Variants in OR8B2 observed in about 807,000 individuals in gnomAD.
The protein encoded by OR8B2 is olfactory receptor 8B2.
For missense variants in OR8B2, 304 were observed against 379.6 expected, an observed-to-expected ratio of 0.80 and a Z score of 1.65; for synonymous variants, 98 against 138.2, an observed-to-expected ratio of 0.71 and a Z score of 2.04.
At chr11:124,390,537 T>A in the OR8B2 span, among the ~76,000 whole-genome samples, 34 of 152,302 alleles carry the variant, frequency 2.2e-4, no homozygotes, top group East Asian at 6.4e-3. Flanking sequence ...TTCAAAGCCA[T>A]CCTTGGCTTG....
chr11:124,383,879 G>A (rs1440786347), intron 1 of OR8B2, among the ~76,000 whole-genome samples: 1 of 152,172 alleles, frequency 6.6e-6, no homozygotes, highest in Non-Finnish European at 1.5e-5. Context: ...AAGACCCTTA[G>A]TAGTCGAGGC....
chr11:124,389,506 G>A, the OR8B2 span, among the ~76,000 whole-genome samples: 2 of 152,100 alleles, frequency 1.3e-5, no homozygotes, highest in Admixed American at 6.6e-5. Context: ...TCATGAGTGA[G>A]TGTGTCTCTT....
chr11:124,385,491 C>CGTGTGTGT (rs57427804), upstream of OR8B2, among the ~76,000 whole-genome samples: 13 of 148,098 alleles, frequency 8.8e-5, no homozygotes, highest in African/African-American at 2.0e-4. Context: ...ATTTAACATG[C>CGTGTGTGT]GTGTGTGTGT....
At chr11:124,396,991 C>T in the OR8B2 span, 11 of 1,613,708 alleles carry the variant, frequency 6.8e-6, no homozygotes, top group East Asian at 2.2e-4. Context: ...ACATAGCGAT[C>T]ATATGCCATT....
upstream of OR8B2, among the ~76,000 whole-genome samples, chr11:124,388,973 G>A (rs568333441): frequency 8.6e-4 from 131 of 151,948 alleles, no homozygotes; most frequent in Admixed American, 1.4e-3. Flanking sequence ...TTACAGGTGC[G>A]TGCCGCCACG....
chr11:124,388,978 G>A (rs547546039), upstream of OR8B2, among the ~76,000 whole-genome samples: 13 of 151,798 alleles, frequency 8.6e-5, no homozygotes, highest in Admixed American at 2.0e-4. Flanking sequence ...GGTGCGTGCC[G>A]CCACGCCTGG....
upstream of OR8B2, among the ~76,000 whole-genome samples, chr11:124,386,293 C>T (rs1453977757): frequency 6.0e-5 from 9 of 149,520 alleles, no homozygotes; most frequent in Middle Eastern, 3.4e-3. Flanking sequence ...TTTCAGGGTA[C>T]GTGTGCACAA....
the OR8B2 span, chr11:124,395,592 T>TA: frequency 6.6e-6 from 1 of 152,006 alleles, no homozygotes; most frequent in Admixed American, 6.6e-5. Flanking sequence ...CTATAACGAG[T>TA]AAAAAAATAA....
upstream of OR8B2, among the ~76,000 whole-genome samples, chr11:124,386,497 A>T (rs1333330985): frequency 7.0e-6 from 1 of 143,386 alleles, no homozygotes; most frequent in Non-Finnish European, 1.5e-5. Context: ...TATGAGTGAG[A>T]ATACGTGGTG....
chr11:124,383,923 T>C (rs1860651791), intron 1 of OR8B2, among the ~76,000 whole-genome samples: 1 of 152,156 alleles, frequency 6.6e-6, no homozygotes, highest in Non-Finnish European at 1.5e-5. Context: ...CACATAAGTG[T>C]TTCTACACAT....
the OR8B2 span, among the ~76,000 whole-genome samples, chr11:124,394,488 C>T: frequency 3.3e-5 from 5 of 152,044 alleles, no homozygotes; most frequent in African/African-American, 1.2e-4. Context: ...ATGGAAAGTT[C>T]GGGTAGGAAA....
the OR8B2 span, among the ~76,000 whole-genome samples, chr11:124,390,323 G>A: frequency 6.6e-6 from 1 of 152,248 alleles, no homozygotes; most frequent in East Asian, 1.9e-4. Flanking sequence ...AAGCACATTG[G>A]CAGGTGTTTA....
the OR8B2 span, among the ~76,000 whole-genome samples, chr11:124,390,226 C>CA: frequency 1.7e-4 from 26 of 152,146 alleles, no homozygotes; most frequent in Admixed American, 1.2e-3. Flanking sequence ...GCACAAATTC[C>CA]AGGCAATGCA....
At chr11:124,394,995 A>G in the OR8B2 span, among the ~76,000 whole-genome samples, 1 of 152,078 alleles carries the variant, frequency 6.6e-6, no homozygotes, top group East Asian at 1.9e-4. Context: ...TGAGGCCAGG[A>G]GTTAAATTTT....
At chr11:124,394,215 C>T in the OR8B2 span, among the ~76,000 whole-genome samples, 3 of 151,188 alleles carry the variant, frequency 2.0e-5, no homozygotes, top group African/African-American at 4.9e-5. Flanking sequence ...AACTAACCTA[C>T]ACATTGTGCA....
the OR8B2 span, among the ~76,000 whole-genome samples, chr11:124,391,014 C>T: frequency 3.3e-5 from 5 of 152,148 alleles, no homozygotes; most frequent in Non-Finnish European, 7.4e-5. Flanking sequence ...AATGGAATTA[C>T]TCTGTTCCTT....
upstream of OR8B2, among the ~76,000 whole-genome samples, chr11:124,388,612 G>A (rs1860736552): frequency 1.3e-5 from 2 of 151,968 alleles, no homozygotes; most frequent in Non-Finnish European, 2.9e-5. Flanking sequence ...GATGCATGAG[G>A]CCTAAAATCC....
the OR8B2 span, among the ~76,000 whole-genome samples, chr11:124,390,854 G>T: frequency 6.6e-6 from 1 of 151,784 alleles, no homozygotes; most frequent in Admixed American, 6.6e-5. Context: ...TCTTCTAGAA[G>T]ATCCATAGTT....
upstream of OR8B2, among the ~76,000 whole-genome samples, chr11:124,386,844 C>T (rs560120472): frequency 1.3e-5 from 2 of 152,054 alleles, no homozygotes; most frequent in Admixed American, 6.5e-5. Context: ...CTGACTTCCA[C>T]AAGGGTTGAA....
Sources: gnomAD v4.1 joint callset for allele counts (sites outside exome capture counted in the v4.1 genomes callset) on GRCh38, gnomAD v4.1.1 for gene constraint, MANE v1.5 for transcripts, NCBI Gene and HGNC (gene_info 2026-07-23, HGNC 2026-07-21) for gene names.